The following THSD4 variants were observed in gnomAD, a reference collection of about 807,000 sequenced individuals.
THSD4 encodes the protein thrombospondin type 1 domain containing 4.
Under a neutral mutation model 119.0 loss-of-function variants are expected in THSD4, and 69 were observed. That is an observed-to-expected ratio of 0.58 (90% CI 0.48 to 0.71). The LOEUF (loss-of-function observed/expected upper bound fraction) is 0.71. Ranked by LOEUF, THSD4 falls within the 30% of genes least tolerant of loss-of-function variation. The probability of loss-of-function intolerance (pLI) is 0.00; values close to 1 mark genes in which losing one functional copy is unlikely to be tolerated. For missense variants in THSD4, 1,393 were observed against 1,391.1 expected (o/e 1.00, Z -0.02); for synonymous variants, 524 against 540.4 (o/e 0.97, Z 0.42).
chr15:71,665,556 TC>T (rs1330775699), intron 8 of THSD4, among the ~76,000 whole-genome samples: 1 of 152,224 alleles, frequency 6.6e-6, no homozygotes, highest in African/African-American at 2.4e-5. Context: ...AGCATCTTCA[TC>T]ATGAAATCCT....
At chr15:71,220,374 G>A (rs1008676332) in intron 4 of THSD4, among the ~76,000 whole-genome samples, 5 of 152,124 alleles carry the variant, frequency 3.3e-5, no homozygotes, top group Non-Finnish European at 5.9e-5. Flanking sequence ...AAGCACATAC[G>A]TAGTATAAAT....
chr15:71,154,893 C>T lies in THSD4; in HGVS notation c.60C>T (p.Phe20=). ...TGTGTTTCCTTCTGCTGCTTGGATT[C>T]CAGTTCGTCTGCCCACAGCCCTCCA... ...SVLCFLLLLG[F]QFVCPQPSTQ... is the part of the protein sequence containing the mutation. The change falls in exon 3 of 18, where the codon TTC becomes TTT. Residue 20 remains phenylalanine (F), a synonymous_variant. Transcript: ENST00000261862. The T allele has an allele frequency of 6.2e-7, 1 of 1,614,140 alleles. No individual in the cohort carries two copies. Among genetic ancestry groups the T allele is most frequent in the Non-Finnish European group, 8.5e-7 (1 of 1,180,032 alleles).
intron 7 of THSD4, among the ~76,000 whole-genome samples, chr15:71,649,990 CCTT>C (rs2051052081): frequency 6.6e-6 from 1 of 152,150 alleles, no homozygotes; most frequent in South Asian, 2.1e-4. Flanking sequence ...ACGGCAGAGA[CCTT>C]CTGGTAGTTG....
chr15:71,318,559 G>A (rs1344554069), intron 6 of THSD4, among the ~76,000 whole-genome samples: 1 of 152,104 alleles, frequency 6.6e-6, no homozygotes, highest in African/African-American at 2.4e-5. Flanking sequence ...AGGCACTCAG[G>A]GTTTGGCCAC....
intron 7 of THSD4, among the ~76,000 whole-genome samples, chr15:71,598,906 C>T (rs34605703): frequency 0.16 from 24,359 of 152,160 alleles, 2,447 homozygotes; most frequent in Non-Finnish European, 0.22. Context: ...GTTGAGCCAC[C>T]GCATCTGACC....
chr15:71,427,464 TG>T (rs888639762), intron 7 of THSD4, among the ~76,000 whole-genome samples: 10 of 151,108 alleles, frequency 6.6e-5, no homozygotes, highest in Non-Finnish European at 2.9e-5. Context: ...TGAAAAATGG[TG>T]GGGGGCACAC....
Position 71,360,881 on chromosome 15 carries a change from G to T in THSD4, c.1016-50806G>T, listed in dbSNP as rs542489767. Among the ~76,000 whole-genome samples the T allele has an allele frequency of 2.6e-5, 4 of 152,344 alleles. No homozygotes were observed. The South Asian group carries it at 8.3e-4, about 32-fold the overall frequency. ...AGCCTATGGTTTAACAGGGGAGATGGATATCTTAGAGATAATTTTAATGGA... is the reference window on the plus strand; with the variant it reads ...AGCCTATGGTTTAACAGGGGAGATGTATATCTTAGAGATAATTTTAATGGA... On this transcript the variant is annotated intron_variant, in intron 6 of 17. Coordinates refer to ENST00000261862, the MANE Select transcript of THSD4 (RefSeq NM_024817.3).
rs1595945234 is a variant in THSD4, at chr15:71,780,837, T to C, written c.*3463T>C. 2.2e-6 allele frequency: 1 copy of C among 455,884 alleles called. No individual in the cohort carries two copies. The highest frequency in any genetic ancestry group is 4.4e-6 in the Non-Finnish European group (1 of 226,676). 28.2% of individuals were successfully genotyped at this position (455,884 alleles called of 1,614,324 possible). On this transcript the variant is annotated 3_prime_UTR_variant, in exon 18 of 18. Coordinates refer to ENST00000261862, the MANE Select transcript of THSD4 (RefSeq NM_024817.3). ...AACACTCTTTTTGCTTTAAAAAGAA[T>C]GGCCTTACAAAGGGACAGAAAAGAG...
chr15:71,430,393 T>C (rs1269566828), intron 7 of THSD4, among the ~76,000 whole-genome samples: 4 of 152,200 alleles, frequency 2.6e-5, no homozygotes, highest in Non-Finnish European at 5.9e-5. Context: ...AGAATAATGA[T>C]TTATTATATA....
intron 6 of THSD4, among the ~76,000 whole-genome samples, chr15:71,320,024 A>G (rs1049441829): frequency 6.6e-6 from 1 of 152,180 alleles, no homozygotes; most frequent in African/African-American, 2.4e-5. Flanking sequence ...TTGTTGTTAG[A>G]TCTCTTGGCA....
upstream of THSD4, chr15:71,111,536 G>T: frequency 1.3e-6 from 1 of 782,718 alleles, no homozygotes; most frequent in Non-Finnish European, 2.0e-6. Context: ...AACTCTCAAA[G>T]TGTTTTGTTT....
chr15:71,346,950 C>T (rs376112328), intron 6 of THSD4, among the ~76,000 whole-genome samples: 111 of 145,814 alleles, frequency 7.6e-4, no homozygotes, highest in Middle Eastern at 3.6e-3. Flanking sequence ...CTCGGCTCAC[C>T]GCAGCCTCCG....
chr15:71,497,376 G>A (rs1025877255), intron 7 of THSD4, among the ~76,000 whole-genome samples: 1 of 152,060 alleles, frequency 6.6e-6, no homozygotes, highest in Non-Finnish European at 1.5e-5. Context: ...AGTTGGGTGT[G>A]ATGGTGTGTG....
At chr15:71,591,771 G>A (rs1213665976) in intron 7 of THSD4, among the ~76,000 whole-genome samples, 1 of 150,186 alleles carries the variant, frequency 6.7e-6, no homozygotes, top group Non-Finnish European at 1.5e-5. Context: ...ATCCAGATAT[G>A]TTCCATATAC....
chr15:71,426,193 C>G (rs184461918), intron 7 of THSD4, among the ~76,000 whole-genome samples: 2 of 152,240 alleles, frequency 1.3e-5, no homozygotes, highest in Non-Finnish European at 2.9e-5. Flanking sequence ...CCTCTTCCCC[C>G]AGCTGGGACA....
At chr15:71,207,357 C>A (rs1234162803) in intron 3 of THSD4, among the ~76,000 whole-genome samples, 2 of 152,224 alleles carry the variant, frequency 1.3e-5, no homozygotes, top group African/African-American at 4.8e-5. Flanking sequence ...ACTCTTTCTG[C>A]CCTGGGCTCG....
intron 8 of THSD4, among the ~76,000 whole-genome samples, chr15:71,726,075 C>T (rs2052831142): frequency 6.6e-6 from 1 of 152,232 alleles, no homozygotes; most frequent in South Asian, 2.1e-4. Context: ...CCACCGTGCC[C>T]AGCCGCACCA....
At chr15:71,270,754 A>G (rs949478571) in intron 6 of THSD4, among the ~76,000 whole-genome samples, 1 of 152,116 alleles carries the variant, frequency 6.6e-6, no homozygotes, top group Non-Finnish European at 1.5e-5. Context: ...CAAGGGAAAT[A>G]ACTGAGAAAA....
intron 7 of THSD4, among the ~76,000 whole-genome samples, chr15:71,437,048 ACAGGAAG>A (rs2047022568): frequency 6.6e-6 from 1 of 152,236 alleles, no homozygotes; most frequent in African/African-American, 2.4e-5. Context: ...TGCAGGCTGT[ACAGGAAG>A]CATGGTGTTG....
Sources: allele counts gnomAD v4.1 joint callset (sites outside exome capture counted in the v4.1 genomes callset), GRCh38; gene constraint gnomAD v4.1.1; transcripts MANE v1.5; gene names NCBI Gene and HGNC (gene_info 2026-07-23, HGNC 2026-07-21).